KCNMA1: variants seen among roughly 807,000 people sequenced by gnomAD.
KCNMA1 encodes Calcium-activated potassium channel subunit alpha-1.
Under a neutral mutation model 140.0 loss-of-function variants are expected in KCNMA1, and 29 were observed. That is an observed-to-expected ratio of 0.21 (90% CI 0.15 to 0.28). The LOEUF (loss-of-function observed/expected upper bound fraction) is 0.28, where lower values mean the gene tolerates loss of function less well. Among genes scored for constraint, KCNMA1 ranks in the 10% least tolerant of loss-of-function variants. The pLI is 1.00. For missense variants in KCNMA1, 880 were observed against 1,602.2 expected, an observed-to-expected ratio of 0.55 and a Z score of 7.70; for synonymous variants, 612 against 611.9, an observed-to-expected ratio of 1.00 and a Z score of 0.00.
At chr10:76,882,873 G>A (rs375461546), downstream of KCNMA1, among the ~76,000 whole-genome samples, 19 of 152,306 alleles carry the variant, frequency 1.2e-4, no homozygotes, top group East Asian at 9.7e-4. Context: ...GACAAAGCAG[G>A]GATGGGCTGA....
At chr10:77,605,905 C>G (rs2670166) in intron 1 of KCNMA1, among the ~76,000 whole-genome samples, 77,862 of 152,168 alleles carry the variant, frequency 0.51, 20,524 homozygotes, top group African/African-American at 0.61. Context: ...TGTGCAACTT[C>G]CCCAAGGTCA....
intron 22 of KCNMA1, among the ~76,000 whole-genome samples, chr10:76,947,661 T>C (rs1300193240): frequency 6.6e-6 from 1 of 152,156 alleles, no homozygotes; most frequent in Non-Finnish European, 1.5e-5. Context: ...TGTCTATAGG[T>C]GACTATTTTC....
chr10:77,063,289 T>C (rs1316984354), intron 14 of KCNMA1, among the ~76,000 whole-genome samples: 2 of 152,022 alleles, frequency 1.3e-5, no homozygotes, highest in Non-Finnish European at 2.9e-5. Context: ...GGCTCGTGCC[T>C]GCAGTCCCAG....
chr10:77,490,796 TCA>T (rs2098522928), intron 1 of KCNMA1, among the ~76,000 whole-genome samples: 1 of 152,188 alleles, frequency 6.6e-6, no homozygotes, highest in South Asian at 2.1e-4. Flanking sequence ...AGGTAAATAC[TCA>T]CAGTCTTTCA....
chr10:77,495,012 G>A (rs150074374), intron 1 of KCNMA1, among the ~76,000 whole-genome samples: 4 of 152,212 alleles, frequency 2.6e-5, no homozygotes, highest in East Asian at 3.9e-4. Flanking sequence ...TAGAGCCCAC[G>A]CTAATGATCT....
intron 3 of KCNMA1, among the ~76,000 whole-genome samples, chr10:77,239,058 G>A (rs558456211): frequency 3.3e-5 from 5 of 152,210 alleles, no homozygotes; most frequent in South Asian, 2.1e-4. Context: ...GCCTCACCTC[G>A]TACCTGATAA....
At chr10:77,098,161 C>T (rs1212771200) in intron 9 of KCNMA1, among the ~76,000 whole-genome samples, 1 of 152,160 alleles carries the variant, frequency 6.6e-6, no homozygotes, top group Non-Finnish European at 1.5e-5. Context: ...TATTTTGTAG[C>T]TTGTAGCCTA....
chr10:77,136,752 G>C (rs1210449326), intron 5 of KCNMA1, among the ~76,000 whole-genome samples: 1 of 152,112 alleles, frequency 6.6e-6, no homozygotes, highest in Non-Finnish European at 1.5e-5. Context: ...TAATATTCTT[G>C]AGTTTTTTAA....
chr10:77,215,800 G>A (rs940847136), intron 3 of KCNMA1, among the ~76,000 whole-genome samples: 1 of 152,128 alleles, frequency 6.6e-6, no homozygotes, highest in African/African-American at 2.4e-5. Context: ...CATCATAAGA[G>A]TGGGGCCTTA....
At chr10:77,054,805 G>C (rs1243564891) in intron 14 of KCNMA1, among the ~76,000 whole-genome samples, 2 of 152,196 alleles carry the variant, frequency 1.3e-5, no homozygotes, top group African/African-American at 4.8e-5. Context: ...TGATCTCAGT[G>C]TCATGTTACA....
At chr10:77,382,959 CGT>C (rs57049025) in intron 2 of KCNMA1, among the ~76,000 whole-genome samples, 1,418 of 76,900 alleles carry the variant, frequency 0.018, 25 homozygotes, top group East Asian at 0.051. Flanking sequence ...CATATATATA[CGT>C]GTGTGTGTGT....
At chr10:77,075,260 G>A (rs2096356736) in intron 13 of KCNMA1, among the ~76,000 whole-genome samples, 1 of 152,202 alleles carries the variant, frequency 6.6e-6, no homozygotes, top group Non-Finnish European at 1.5e-5. Context: ...CTACTCTCCA[G>A]TGGCTTCAGA....
exon 28 of KCNMA1, chr10:76,871,033 A>G (rs1176298028): frequency 6.6e-6 from 1 of 152,172 alleles, no homozygotes; most frequent in Non-Finnish European, 1.5e-5. Context: ...GCTCCTTCTT[A>G]GTCCTGAAAA....
In KCNMA1 at chr10:76,953,787, A is replaced by T; in HGVS notation, c.2484+14T>A. 6.2e-7 allele frequency: 1 copy of T among 1,613,984 alleles called. No individual in the cohort carries two copies. Among genetic ancestry groups the T allele is most frequent in the Non-Finnish European group, 8.5e-7 (1 of 1,179,866 alleles). On this transcript the variant is annotated intron_variant, in intron 21 of 27. Transcript: ENST00000286628. ...CAGAAGCGGGCAACATCAGATGCAC[A>T]GTCCCTCACTCACCAGGATGACTTT... is the stretch of plus-strand genomic sequence containing the variant.
intron 1 of KCNMA1, among the ~76,000 whole-genome samples, chr10:77,450,819 C>A (rs544095577): frequency 1.3e-5 from 2 of 152,190 alleles, no homozygotes; most frequent in Non-Finnish European, 2.9e-5. Flanking sequence ...ACTCAAATCT[C>A]CTCTTGAATT....
intron 18 of KCNMA1, among the ~76,000 whole-genome samples, chr10:77,011,370 T>C (rs1283883067): frequency 6.6e-6 from 1 of 152,154 alleles, no homozygotes; most frequent in African/African-American, 2.4e-5. Context: ...CCCAGTCTAG[T>C]CTACCCCAAA....
chr10:77,400,600 T>C (rs528880745), intron 2 of KCNMA1, among the ~76,000 whole-genome samples: 1 of 152,360 alleles, frequency 6.6e-6, no homozygotes, highest in African/African-American at 2.4e-5. Context: ...TGGCAGGTAC[T>C]AGCCTGGCTC....
intron 5 of KCNMA1, 91 bp downstream of exon 5, chr10:77,183,330 G>T: frequency 1.2e-6 from 1 of 839,700 alleles, no homozygotes; most frequent in East Asian, 2.5e-5. Context: ...AACATTGTTT[G>T]TAGGGAGACA....
intron 22 of KCNMA1, chr10:76,948,922 C>T: frequency 1.7e-6 from 1 of 603,952 alleles, no homozygotes; most frequent in Non-Finnish European, 3.0e-6. Flanking sequence ...TAAACTTCAT[C>T]CCTGATGAGG....
Sources: allele counts gnomAD v4.1 joint callset (sites outside exome capture counted in the v4.1 genomes callset), GRCh38; gene constraint gnomAD v4.1.1; transcripts MANE v1.5; gene names NCBI Gene and HGNC (gene_info 2026-07-23, HGNC 2026-07-21).